Variants in FOXK1 observed in about 807,000 individuals in gnomAD.
FOXK1 encodes the protein forkhead box K1, also known as forkhead box protein K1.
A neutral mutation model predicts 51.9 loss-of-function variants in FOXK1; 19 were observed. The ratio of observed to expected loss-of-function variants is 0.37; its 90% CI spans 0.26 to 0.54. The LOEUF is 0.54. FOXK1 is among the 20% of genes least tolerant of loss of function. FOXK1 has a pLI of 0.87. For synonymous variants in FOXK1, 537 were observed against 482.6 expected (o/e 1.11, Z -1.48); for missense variants, 870 against 1,032.7 (o/e 0.84, Z 2.16).
rs1780665106 is a variant in FOXK1, at chr7:4,743,751, G to T, written c.746+2728G>T. Reference sequence around the variant, plus strand: ...GCTGCTTTTGGGGCGGGTAGCAAAGGCCTCAGGTCCAGAGAGAAGCAGGCC... The same window carrying T: ...GCTGCTTTTGGGGCGGGTAGCAAAGTCCTCAGGTCCAGAGAGAAGCAGGCC... On this transcript the variant is annotated intron_variant, in intron 2 of 8. Coordinates refer to ENST00000328914, the MANE Select transcript of FOXK1 (RefSeq NM_001037165.2). This position sits in a 1 kb window ranked among gnomAD's most constrained non-coding sequence, Gnocchi z 5.3. Among the ~76,000 whole-genome samples, 1 of 152,192 alleles carries T rather than the reference G, an allele frequency of 6.6e-6. No individual in the cohort carries two copies.
chr7:4,770,593 T>C lies in FOXK1; in HGVS notation c.*8129T>C, dbSNP rs35847653. The C allele has an allele frequency of 0.086, 13,116 of 152,158 alleles. 1,240 individuals are homozygous for C. The highest frequency in any genetic ancestry group is 0.23 in the African/African-American group (9,722 of 41,452). 9.4% of individuals were successfully genotyped at this position (152,158 alleles called of 1,614,324 possible). ...CTTCTTTTTTTCAAGAAAGGCTTTT[T>C]GGATACCTAGAATACCTTCATGTAT... On this transcript the variant is annotated 3_prime_UTR_variant, in exon 9 of 9. Transcript: ENST00000328914.
intron 2 of FOXK1, among the ~76,000 whole-genome samples, chr7:4,744,080 T>C (rs538924911): frequency 6.6e-6 from 1 of 152,062 alleles, no homozygotes; most frequent in African/African-American, 2.4e-5. Flanking sequence ...GGTTTCACCG[T>C]ATTGAAAGAA....
At position 4,740,943 on chromosome 7, in the gene FOXK1, C is replaced by T. The variant is rs774921904; in HGVS notation, c.666C>T (p.Ile222=). The T allele has an allele frequency of 3.8e-6, 6 of 1,578,882 alleles. No homozygotes were observed. Among genetic ancestry groups the T allele is most frequent in the Non-Finnish European group, 5.1e-6 (6 of 1,165,284 alleles). Residue 222 remains isoleucine, a synonymous_variant, in exon 2 of 9, where the codon ATC becomes ATT. Transcript: ENST00000328914. ...CGCTGCGGCCACTGTACCCCCAGAT[C>T]TCCCCTCTGAAGATCCACATCCCGG... ...ASPLRPLYPQ[I]SPLKIHIPEP...
rs1408880786 is a variant in FOXK1 at position 4,754,837 on chromosome 7, C to T, written c.903+222C>T. On this transcript the variant is annotated intron_variant, in intron 3 of 8. Transcript: ENST00000328914. ...CATTTGCTGGTGACAGGGGTGGCGC[C>T]GTCACCGAGGGCCCCTCCCGCCACG... 10 of 644,494 alleles carry T rather than the reference C, an allele frequency of 1.6e-5. No individual in the cohort carries two copies. In the Admixed American group the frequency reaches 2.4e-4, roughly 15 times the overall value. 39.9% of individuals were successfully genotyped at this position (644,494 alleles called of 1,614,324 possible).
chr7:4,738,120 C>G (rs1311041681), intron 1 of FOXK1, among the ~76,000 whole-genome samples: 1 of 140,378 alleles, frequency 7.1e-6, no homozygotes, highest in African/African-American at 2.7e-5. Context: ...CAAACTCTGC[C>G]TCAAAAAGAG....
intron 1 of FOXK1, among the ~76,000 whole-genome samples, chr7:4,691,344 C>A (rs1779888335): frequency 6.6e-6 from 1 of 152,146 alleles, no homozygotes; most frequent in African/African-American, 2.4e-5. Flanking sequence ...ACAAACTGAT[C>A]AATAGACATA....
chr7:4,708,047 A>G (rs1044565991), intron 1 of FOXK1, among the ~76,000 whole-genome samples: 1 of 151,916 alleles, frequency 6.6e-6, no homozygotes, highest in Non-Finnish European at 1.5e-5. Flanking sequence ...GTGCTGGGGT[A>G]CCGCCTAGTA....
chr7:4,750,819 C>T (rs576725768), intron 2 of FOXK1, among the ~76,000 whole-genome samples: 1 of 152,040 alleles, frequency 6.6e-6, no homozygotes, highest in African/African-American at 2.4e-5. Context: ...ATTCTCCTTC[C>T]TCAGCCTCCC....
In FOXK1 at chr7:4,755,090, A is replaced by T; in HGVS notation, c.904-147A>T. 1.1e-6 allele frequency: 1 copy of T among 948,476 alleles called. No individual in the cohort carries two copies. Among genetic ancestry groups the T allele is most frequent in the South Asian group, 1.8e-5 (1 of 56,586 alleles). The allele number at this position is 948,476 out of a possible 1,614,324, so 58.8% of individuals were successfully genotyped here. ...TTCCTAGTTGAATGCAAGCACATTA[A>T]TGGGATAGTTGGAGGGCACTGGGAC... On this transcript the variant is annotated intron_variant, in intron 3 of 8. Coordinates refer to ENST00000328914, the MANE Select transcript of FOXK1 (RefSeq NM_001037165.2). The surrounding 1 kb of genome is among the most constrained non-coding windows in gnomAD (Gnocchi z 6.6).
chr7:4,692,881 C>G (rs1391359147), intron 1 of FOXK1, among the ~76,000 whole-genome samples: 3 of 152,176 alleles, frequency 2.0e-5, no homozygotes, highest in Non-Finnish European at 4.4e-5. Context: ...TGAGCACCAC[C>G]AGACCAGCTA....
Position 4,701,765 on chromosome 7 carries a change from C to T in FOXK1, c.560+18897C>T, listed in dbSNP as rs1174421210. ...AAAATTAGCCAGGCATGGTGGCGGG[C>T]GCCTGTAGTCCCAGCTACTCGGGAG... On this transcript the variant is annotated intron_variant, in intron 1 of 8. Transcript: ENST00000328914. 3.3e-5 allele frequency among the ~76,000 whole-genome samples: 5 copies of T among 152,122 alleles called. No homozygotes were observed. In the South Asian group the frequency reaches 8.3e-4, roughly 25 times the overall value.
chr7:4,702,016 G>A (rs890901268), intron 1 of FOXK1, among the ~76,000 whole-genome samples: 2 of 152,046 alleles, frequency 1.3e-5, no homozygotes, highest in Admixed American at 6.6e-5. Context: ...TTGAGGCTGC[G>A]GTGAGCTGTG....
rs541254544 is a variant in FOXK1 at position 4,687,710 on chromosome 7, C to T, written c.560+4842C>T. 5.9e-5 allele frequency among the ~76,000 whole-genome samples: 9 copies of T among 152,326 alleles called. No homozygotes were observed. The East Asian group carries it at 1.7e-3, about 29-fold the overall frequency. ...GTGCATATCCCATACTTGCTCTTCC[C>T]TCTTTCTCTAAAGCCTTTTCGCCCA... is the stretch of plus-strand genomic sequence containing the variant. On this transcript the variant is annotated intron_variant, in intron 1 of 8. Coordinates refer to ENST00000328914, the MANE Select transcript of FOXK1 (RefSeq NM_001037165.2).
chr7:4,759,628 A>T (rs989607310), intron 7 of FOXK1, 33 bp downstream of exon 7: 3 of 1,519,352 alleles, frequency 2.0e-6, no homozygotes, highest in Non-Finnish European at 2.6e-6. Context: ...CCTTCGCAGG[A>T]CCCTTTGTGG....
rs57494433 is a variant in FOXK1 at position 4,761,955 on chromosome 7, T to C, written c.1922-229T>C. Among the ~76,000 whole-genome samples, 38,963 of 151,636 alleles carry C rather than the reference T, an allele frequency of 0.26. 8,129 individuals are homozygous for C. The highest frequency in any genetic ancestry group is 0.58 in the African/African-American group (24,013 of 41,342). On this transcript the variant is annotated intron_variant, in intron 8 of 8. Coordinates refer to ENST00000328914, the MANE Select transcript of FOXK1 (RefSeq NM_001037165.2). This position sits in a 1 kb window ranked among gnomAD's most constrained non-coding sequence, Gnocchi z 6.2. ...ATGTCCAGCAGGATCTAGACAGCAATGAGAGGGGCCTCCACCCAACAGGCT... is the reference window on the plus strand; with the variant it reads ...ATGTCCAGCAGGATCTAGACAGCAACGAGAGGGGCCTCCACCCAACAGGCT...
chr7:4,722,612 C>T lies in FOXK1; in HGVS notation c.561-18226C>T, dbSNP rs937061897. Among the ~76,000 whole-genome samples the T allele has an allele frequency of 4.6e-5, 7 of 152,336 alleles. No individual in the cohort carries two copies. The highest frequency in any genetic ancestry group is 1.2e-4 in the African/African-American group (5 of 41,578). ...ACAACGGGCACACATGCACGTCAGC[C>T]GCACACTCATGCACGTTCATGTGCT... On this transcript the variant is annotated intron_variant, in intron 1 of 8. Transcript: ENST00000328914. The surrounding 1 kb of genome is among the most constrained non-coding windows in gnomAD (Gnocchi z 5.1).
chr7:4,694,360 C>G (rs1237942642), intron 1 of FOXK1, among the ~76,000 whole-genome samples: 1 of 152,162 alleles, frequency 6.6e-6, no homozygotes, highest in Non-Finnish European at 1.5e-5. Context: ...CCTCCCCAGT[C>G]TGATAGGAAC....
rs1357377560 is a variant in FOXK1 at position 4,755,079 on chromosome 7, C to A, written c.904-158C>A. On this transcript the variant is annotated intron_variant, in intron 3 of 8. Coordinates refer to ENST00000328914, the MANE Select transcript of FOXK1 (RefSeq NM_001037165.2). This position sits in a 1 kb window ranked among gnomAD's most constrained non-coding sequence, Gnocchi z 6.6. ...AAAAATGGTTGTTCCTAGTTGAATG[C>A]AAGCACATTAATGGGATAGTTGGAG... 2.4e-6 allele frequency: 2 copies of A among 847,254 alleles called. No homozygotes were observed. Among genetic ancestry groups the A allele is most frequent in the Non-Finnish European group, 1.8e-6 (1 of 571,058 alleles). The allele number at this position is 847,254 out of a possible 1,614,324, so 52.5% of individuals were successfully genotyped here.
intron 1 of FOXK1, among the ~76,000 whole-genome samples, chr7:4,687,985 G>A (rs1779842081): frequency 6.6e-6 from 1 of 152,076 alleles, no homozygotes; most frequent in African/African-American, 2.4e-5. Context: ...TCCCACCTTG[G>A]CCTCCTAAAG....
Sources: gnomAD v4.1 joint callset for allele counts (sites outside exome capture counted in the v4.1 genomes callset) on GRCh38, gnomAD v4.1.1 for gene constraint, Gnocchi (gnomAD v3.1) non-coding constraint, MANE v1.5 for transcripts, NCBI Gene and HGNC (gene_info 2026-07-23, HGNC 2026-07-21) for gene names.